ST8SIA1: variants seen among roughly 807,000 people sequenced by gnomAD.
The protein encoded by ST8SIA1 is alpha-N-acetylneuraminide alpha-2,8-sialyltransferase.
Under a neutral mutation model 35.9 loss-of-function variants are expected in ST8SIA1, and 16 were observed. The ratio of observed to expected loss-of-function variants is 0.45; its 90% CI spans 0.30 to 0.68. The LOEUF is 0.68. ST8SIA1 is among the 30% of genes least tolerant of loss of function. ST8SIA1 has a pLI of 0.09. For synonymous variants in ST8SIA1, 170 were observed against 169.6 expected, an observed-to-expected ratio of 1.00 and a Z score of -0.02; for missense variants, 383 against 453.6, an observed-to-expected ratio of 0.84 and a Z score of 1.41.
chr12:22,218,794 T>G (rs1017976529), intron 4 of ST8SIA1, among the ~76,000 whole-genome samples: 5 of 151,510 alleles, frequency 3.3e-5, no homozygotes, highest in Non-Finnish European at 7.4e-5. Context: ...CACTCTAGCC[T>G]GGGCAACAGA....
At chr12:22,271,518 C>T (rs760158411) in intron 2 of ST8SIA1, among the ~76,000 whole-genome samples, 1 of 152,110 alleles carries the variant, frequency 6.6e-6, no homozygotes, top group Non-Finnish European at 1.5e-5. Context: ...GGGTACTGAA[C>T]CTTTCTTAGC....
chr12:22,204,954 C>T (rs1484611093), intron 4 of ST8SIA1, among the ~76,000 whole-genome samples: 4 of 152,140 alleles, frequency 2.6e-5, no homozygotes, highest in Admixed American at 6.6e-5. Context: ...CAGCCTCATA[C>T]TCAGCTACTC....
At chr12:22,287,079 C>G in intron 2 of ST8SIA1, 70 bp downstream of exon 2, 1 of 1,456,282 alleles carries the variant, frequency 6.9e-7, no homozygotes, top group Non-Finnish European at 9.3e-7. Flanking sequence ...AAGGCAAACT[C>G]AATTATCCCT....
intron 4 of ST8SIA1, among the ~76,000 whole-genome samples, chr12:22,222,158 T>C (rs547321846): frequency 6.6e-6 from 1 of 152,330 alleles, no homozygotes; most frequent in South Asian, 2.1e-4. Context: ...TTAACTTGTT[T>C]TATTATTGGG....
chr12:22,288,019 C>G (rs1866124328), intron 1 of ST8SIA1, among the ~76,000 whole-genome samples: 1 of 152,100 alleles, frequency 6.6e-6, no homozygotes, highest in African/African-American at 2.4e-5. Context: ...TCTGAAGCAC[C>G]AGCATCACTG....
chr12:22,307,485 T>C (rs7295402), intron 1 of ST8SIA1, among the ~76,000 whole-genome samples: 50,224 of 151,980 alleles, frequency 0.33, 9,378 homozygotes, highest in African/African-American at 0.51. Context: ...CCAGTGCCTC[T>C]CTGTTTCATC....
At chr12:22,319,024 T>G (rs868250230) in intron 1 of ST8SIA1, among the ~76,000 whole-genome samples, 1 of 152,238 alleles carries the variant, frequency 6.6e-6, no homozygotes, top group Admixed American at 6.5e-5. Context: ...AGCTGATGCA[T>G]AGTAAGCATT....
chr12:22,305,123 C>T (rs890524180), intron 1 of ST8SIA1, among the ~76,000 whole-genome samples: 3 of 152,100 alleles, frequency 2.0e-5, no homozygotes, highest in South Asian at 2.1e-4. Flanking sequence ...GTACTTCTAT[C>T]GGTATGCCTA....
At chr12:22,295,679 C>A (rs1258636796) in intron 1 of ST8SIA1, among the ~76,000 whole-genome samples, 3 of 152,106 alleles carry the variant, frequency 2.0e-5, no homozygotes, top group Non-Finnish European at 4.4e-5. Context: ...TTGCAGTAAG[C>A]CATGATCACA....
intron 2 of ST8SIA1, among the ~76,000 whole-genome samples, chr12:22,270,628 G>A (rs1865901818): frequency 6.6e-6 from 1 of 152,106 alleles, no homozygotes; most frequent in Non-Finnish European, 1.5e-5. Context: ...CTAGAGTGTG[G>A]AATGATAGAC....
At position 22,196,448 on chromosome 12, in the gene ST8SIA1, A is replaced by G. The variant is rs1258928646; in HGVS notation, c.*5104T>C. 2.6e-5 allele frequency: 4 copies of G among 152,172 alleles called. No homozygotes were observed. The highest frequency in any genetic ancestry group is 5.9e-5 in the Non-Finnish European group (4 of 68,030). 9.4% of individuals were successfully genotyped at this position (152,172 alleles called of 1,614,324 possible). ...GCTGAGGGTAAAGCAGATGGTATCC[A>G]TTTTCTTATGATAGAAGGGAAAAAA... On this transcript the variant is annotated 3_prime_UTR_variant, in exon 5 of 5. Coordinates refer to ENST00000396037, the MANE Select transcript of ST8SIA1 (RefSeq NM_003034.4).
intron 1 of ST8SIA1, among the ~76,000 whole-genome samples, chr12:22,299,917 G>T (rs1490178015): frequency 6.6e-6 from 1 of 152,006 alleles, no homozygotes; most frequent in Non-Finnish European, 1.5e-5. Context: ...AGGTCTGAAG[G>T]AAATGATTTC....
At chr12:22,282,226 C>A (rs1367176394) in intron 2 of ST8SIA1, among the ~76,000 whole-genome samples, 1 of 152,120 alleles carries the variant, frequency 6.6e-6, no homozygotes, top group Non-Finnish European at 1.5e-5. Context: ...CCCAGCCCTT[C>A]CACCTACCAG....
chr12:22,288,697 G>A (rs771380315), intron 1 of ST8SIA1, among the ~76,000 whole-genome samples: 15 of 152,208 alleles, frequency 9.9e-5, no homozygotes, highest in Non-Finnish European at 2.1e-4. Context: ...CAGACAAGGG[G>A]AGAAGAGCTC....
chr12:22,280,503 T>C (rs1866019910), intron 2 of ST8SIA1, among the ~76,000 whole-genome samples: 8 of 152,118 alleles, frequency 5.3e-5, no homozygotes. Context: ...GAAGCTAGAA[T>C]CCTGAGCCAT....
intron 2 of ST8SIA1, among the ~76,000 whole-genome samples, chr12:22,266,152 T>C (rs1386650275): frequency 6.6e-6 from 1 of 151,982 alleles, no homozygotes; most frequent in South Asian, 2.1e-4. Context: ...CCTTACTTTC[T>C]CTACTCTATT....
intron 4 of ST8SIA1, chr12:22,223,597 A>T: frequency 4.7e-6 from 5 of 1,068,244 alleles, no homozygotes; most frequent in Non-Finnish European, 5.7e-6. Flanking sequence ...TTCAAGCAGC[A>T]TGAGTCTGGA....
At chr12:22,252,684 C>G (rs1865687362) in intron 3 of ST8SIA1, among the ~76,000 whole-genome samples, 1 of 152,150 alleles carries the variant, frequency 6.6e-6, no homozygotes, top group African/African-American at 2.4e-5. Context: ...TAATTCTGAA[C>G]TTGACTATAT....
At chr12:22,229,054 C>A (rs865802946) in intron 4 of ST8SIA1, among the ~76,000 whole-genome samples, 317 of 101,864 alleles carry the variant, frequency 3.1e-3, no homozygotes, top group South Asian at 4.2e-3. Context: ...ACTCCATCTC[C>A]AAAAAAAAAA....
Sources: allele counts gnomAD v4.1 joint callset (sites outside exome capture counted in the v4.1 genomes callset), GRCh38; gene constraint gnomAD v4.1.1; transcripts MANE v1.5; gene names NCBI Gene and HGNC (gene_info 2026-07-23, HGNC 2026-07-21).